SBF2: variants seen among roughly 807,000 people sequenced by gnomAD.
SBF2 encodes SET binding factor 2.
In SBF2, 112 loss-of-function variants were observed where a neutral mutation model predicts 225.2. That is an observed-to-expected ratio of 0.50 (90% CI 0.43 to 0.58). The LOEUF is 0.58. Among genes scored for constraint, SBF2 ranks in the 20% least tolerant of loss-of-function variants. The pLI, the probability that SBF2 is intolerant of heterozygous loss-of-function variation, is 0.00. For synonymous variants in SBF2, 763 were observed against 773.3 expected (o/e 0.99, Z 0.22); for missense variants, 1,996 against 2,206.2 (o/e 0.90, Z 1.91).
chr11:10,161,712 G>A (rs74697463), intron 2 of SBF2, among the ~76,000 whole-genome samples: 4 of 151,924 alleles, frequency 2.6e-5, no homozygotes, highest in Non-Finnish European at 4.4e-5. Context: ...GAGGGTGGGC[G>A]TGGTGGCTCA....
intron 13 of SBF2, among the ~76,000 whole-genome samples, chr11:9,968,912 A>G (rs1867143562): frequency 6.6e-6 from 1 of 152,078 alleles, no homozygotes; most frequent in Admixed American, 6.6e-5. Flanking sequence ...CCAGTCTCCT[A>G]TCTTTAAACC....
chr11:9,833,473 T>C (rs1449111536), intron 26 of SBF2, among the ~76,000 whole-genome samples: 1 of 148,180 alleles, frequency 6.7e-6, no homozygotes, highest in Non-Finnish European at 1.5e-5. Flanking sequence ...CAGGCTGGAG[T>C]GCAGTGGCAC....
At chr11:10,074,315 T>C (rs575481355) in intron 2 of SBF2, among the ~76,000 whole-genome samples, 34 of 152,282 alleles carry the variant, frequency 2.2e-4, no homozygotes, top group African/African-American at 7.5e-4. Flanking sequence ...AGCACTATAT[T>C]TGATAAATAA....
chr11:9,886,693 T>G (rs1373629503), intron 17 of SBF2, among the ~76,000 whole-genome samples: 1 of 132,296 alleles, frequency 7.6e-6, no homozygotes, highest in Non-Finnish European at 1.6e-5. Flanking sequence ...AGTAAGTGAT[T>G]CATGTGTTTT....
At chr11:10,112,674 G>C (rs1212860750) in intron 2 of SBF2, among the ~76,000 whole-genome samples, 2 of 152,176 alleles carry the variant, frequency 1.3e-5, no homozygotes, top group African/African-American at 2.4e-5. Context: ...TCAAGAAACA[G>C]AAGACAGAAG....
chr11:9,942,901 G>GAGAAAGAAAA (rs1554962758), intron 16 of SBF2, among the ~76,000 whole-genome samples: 1 of 101,312 alleles, frequency 9.9e-6, no homozygotes, highest in Non-Finnish European at 2.2e-5. Context: ...AAGAGAGAGA[G>GAGAAAGAAAA]AGAAAGAAAG....
chr11:9,978,752 C>T (rs1343769350), intron 13 of SBF2, among the ~76,000 whole-genome samples: 2 of 152,116 alleles, frequency 1.3e-5, no homozygotes, highest in African/African-American at 4.8e-5. Flanking sequence ...AAGCCTCGAC[C>T]TCCTTGGCCG....
rs373771420 is a variant in SBF2, at chr11:10,286,166, G to GCGCGCACACACA, written c.55+7848_55+7849insTGTGTGTGCGCG. On this transcript the variant is annotated intron_variant, in intron 1 of 39. Coordinates refer to ENST00000256190, the MANE Select transcript of SBF2 (RefSeq NM_030962.4). ...AATTTCTTCACATAAACACGCACAC[G>GCGCGCACACACA]CACACACACACACACACACACACAC... is the stretch of plus-strand genomic sequence containing the variant. 3.5e-3 allele frequency among the ~76,000 whole-genome samples: 521 copies of GCGCGCACACACA among 147,350 alleles called. 2 individuals carry two copies. The highest frequency in any genetic ancestry group is 0.024 in the Middle Eastern group (7 of 286).
intron 2 of SBF2, among the ~76,000 whole-genome samples, chr11:10,156,842 C>G (rs1385529866): frequency 6.6e-6 from 1 of 152,126 alleles, no homozygotes; most frequent in Non-Finnish European, 1.5e-5. Flanking sequence ...GCCATACTGC[C>G]CAAAGTAATT....
chr11:10,049,831 T>C (rs1340448259), intron 2 of SBF2, among the ~76,000 whole-genome samples: 2 of 152,184 alleles, frequency 1.3e-5, no homozygotes, highest in African/African-American at 2.4e-5. Context: ...GAAAGTTTTA[T>C]CAGGCTACAA....
At chr11:10,239,532 G>A (rs1286692286) in intron 1 of SBF2, among the ~76,000 whole-genome samples, 1 of 147,144 alleles carries the variant, frequency 6.8e-6, no homozygotes, top group Non-Finnish European at 1.5e-5. Flanking sequence ...ATATAATGGA[G>A]TAGGAGAAAA....
intron 2 of SBF2, among the ~76,000 whole-genome samples, chr11:10,052,160 A>G (rs1418105560): frequency 2.2e-5 from 1 of 44,530 alleles, no homozygotes; most frequent in East Asian, 7.2e-4. Context: ...GCAAACAGGA[A>G]AAAAAAAAAG....
chr11:10,005,578 C>G (rs943977742), intron 6 of SBF2, among the ~76,000 whole-genome samples: 3 of 152,150 alleles, frequency 2.0e-5, no homozygotes, highest in Non-Finnish European at 4.4e-5. Context: ...TGGTCTCTCA[C>G]TCTGCCTTAT....
At chr11:10,257,225 C>G (rs1442738) in intron 1 of SBF2, among the ~76,000 whole-genome samples, 80,535 of 152,010 alleles carry the variant, frequency 0.53, 21,686 homozygotes, top group Admixed American at 0.62. Flanking sequence ...CTGCAAAGTA[C>G]AATCATCAAC....
chr11:9,909,855 C>T (rs1862451269), intron 16 of SBF2, among the ~76,000 whole-genome samples: 1 of 152,136 alleles, frequency 6.6e-6, no homozygotes, highest in South Asian at 2.1e-4. Flanking sequence ...CCTAGGACTT[C>T]CCATCAAAAA....
Position 9,974,695 on chromosome 11 carries a change from G to A in SBF2, c.1396-6150C>T, listed in dbSNP as rs191447503. Among the ~76,000 whole-genome samples, 193 of 150,228 alleles carry A rather than the reference G, an allele frequency of 1.3e-3. 2 individuals carry two copies. Among genetic ancestry groups the A allele is most frequent in the African/African-American group, 4.6e-3 (188 of 41,052 alleles). ...AAGAAAAGAAAGAAACCAGCCGGGTGCAGTAGCTCATGCCTATAATCCCAG... is the reference window on the plus strand; with the variant it reads ...AAGAAAAGAAAGAAACCAGCCGGGTACAGTAGCTCATGCCTATAATCCCAG... On this transcript the variant is annotated intron_variant, in intron 13 of 39. Transcript: ENST00000256190.
chr11:9,898,167 G>A (rs983767630), intron 16 of SBF2, among the ~76,000 whole-genome samples: 2 of 151,990 alleles, frequency 1.3e-5, no homozygotes, highest in South Asian at 2.1e-4. Context: ...TGGGGAGGGC[G>A]TAGTACTGCC....
At chr11:9,790,523 A>T in intron 34 of SBF2, 33 bp downstream of exon 34, 1 of 1,553,390 alleles carries the variant, frequency 6.4e-7, no homozygotes, top group Non-Finnish European at 8.8e-7. Flanking sequence ...ACAAAATTTC[A>T]GAAAGTGAAA....
At chr11:10,203,750 G>C (rs1205092211) in intron 1 of SBF2, among the ~76,000 whole-genome samples, 1 of 151,856 alleles carries the variant, frequency 6.6e-6, no homozygotes, top group African/African-American at 2.4e-5. Flanking sequence ...AAATATATTG[G>C]ATATAGCTAA....
Sources: gnomAD v4.1 joint callset for allele counts (sites outside exome capture counted in the v4.1 genomes callset) on GRCh38, gnomAD v4.1.1 for gene constraint, MANE v1.5 for transcripts, NCBI Gene and HGNC (gene_info 2026-07-23, HGNC 2026-07-21) for gene names.